The following TAF2 variants were observed in gnomAD, a reference collection of about 807,000 sequenced individuals.
TAF2 encodes TATA-box binding protein associated factor 2, also known as transcription initiation factor TFIID subunit 2.
Under a neutral mutation model 138.5 loss-of-function variants are expected in TAF2, and 61 were observed. The ratio of observed to expected loss-of-function variants is 0.44; its 90% confidence interval spans 0.36 to 0.54. The LOEUF (loss-of-function observed/expected upper bound fraction) is 0.54, where lower values mean the gene tolerates loss of function less well. TAF2 is among the 20% of genes least tolerant of loss of function. The pLI is 0.00. For synonymous variants in TAF2, 475 were observed against 469.9 expected, an observed-to-expected ratio of 1.01 and a Z score of -0.14; for missense variants, 1,090 against 1,427.9, an observed-to-expected ratio of 0.76 and a Z score of 3.81.
chr8:119,805,375 T>G (rs1201046180), intron 4 of TAF2, among the ~76,000 whole-genome samples: 13 of 152,152 alleles, frequency 8.5e-5, no homozygotes, highest in African/African-American at 3.1e-4. Flanking sequence ...TAAACTAATT[T>G]GATATTGTGC....
At chr8:119,801,301 T>C (rs747820366) in intron 6 of TAF2, among the ~76,000 whole-genome samples, 11 of 152,142 alleles carry the variant, frequency 7.2e-5, no homozygotes, top group Non-Finnish European at 1.3e-4. Flanking sequence ...GAAATTTAAA[T>C]ACAACATTTT....
intron 23 of TAF2, chr8:119,745,119 C>G (rs774435369): frequency 1.3e-4 from 56 of 436,934 alleles, no homozygotes; most frequent in Non-Finnish European, 2.3e-4. Flanking sequence ...CTATAGCAAC[C>G]ATGCAGATTA....
chr8:119,778,573 G>A lies in TAF2; in HGVS notation c.2254-444C>T, dbSNP rs550555831. Among the ~76,000 whole-genome samples, 38 of 152,264 alleles carry A rather than the reference G, an allele frequency of 2.5e-4. 1 individual carries two copies. The highest frequency in any genetic ancestry group is 7.7e-4 in the African/African-American group (32 of 41,544). ...CTTCTGTGCTAGGTGCCTTTAGCTC[G>A]TTGCCTATTGAGTAGGAGCCTCATT... On this transcript the variant is annotated intron_variant, in intron 17 of 25. Coordinates refer to ENST00000378164, the MANE Select transcript of TAF2 (RefSeq NM_003184.4).
chr8:119,758,083 G>C lies in TAF2; in HGVS notation c.2758C>G (p.Pro920Ala). The C allele has an allele frequency of 6.2e-7, 1 of 1,613,094 alleles. No homozygotes were observed. Residue 920 changes from proline (P) to alanine (A), a missense_variant, in exon 21 of 26, where the codon CCC becomes GCC. Around this residue, in one of 3 missense-constraint regions of TAF2, gnomAD observed 580 missense variants for 719.6 expected, o/e 0.81. Coordinates refer to ENST00000378164, the MANE Select transcript of TAF2 (RefSeq NM_003184.4). ...LLNMIQNDPV[P>A]YVRHKILNML... ...AGCACATAAACTAACCTTACATAGG[G>C]TACAGGGTCATTCTGAATCATATTA...
chr8:119,800,007 C>A (rs1824135822), intron 6 of TAF2, among the ~76,000 whole-genome samples: 1 of 151,766 alleles, frequency 6.6e-6, no homozygotes, highest in Non-Finnish European at 1.5e-5. Context: ...TTGTTTTTTT[C>A]TTGTAAATTT....
chr8:119,772,236 T>C (rs555460333), intron 18 of TAF2, among the ~76,000 whole-genome samples: 1 of 152,302 alleles, frequency 6.6e-6, no homozygotes, highest in East Asian at 1.9e-4. Context: ...GATCTCAAAT[T>C]AACAACCTAC....
chr8:119,786,933 AC>A, intron 14 of TAF2, among the ~76,000 whole-genome samples: 1 of 152,150 alleles, frequency 6.6e-6, no homozygotes, highest in East Asian at 1.9e-4. Flanking sequence ...AATTAGGTAC[AC>A]CTAAAACCAC....
intron 18 of TAF2, among the ~76,000 whole-genome samples, chr8:119,774,477 G>C (rs1421814777): frequency 2.8e-5 from 2 of 71,956 alleles, no homozygotes; most frequent in Admixed American, 2.9e-4. Context: ...AAAATATTGT[G>C]ATTTTTTTTT....
intron 25 of TAF2, among the ~76,000 whole-genome samples, chr8:119,733,259 A>T (rs890860464): frequency 3.9e-5 from 6 of 152,180 alleles, no homozygotes; most frequent in Non-Finnish European, 8.8e-5. Flanking sequence ...GCTCCTTAAG[A>T]CAATTTCTAG....
chr8:119,771,035 C>A (rs1821795920), intron 18 of TAF2, among the ~76,000 whole-genome samples: 1 of 152,040 alleles, frequency 6.6e-6, no homozygotes, highest in Non-Finnish European at 1.5e-5. Context: ...CACGCCACTG[C>A]ACTCCAGCCT....
intron 2 of TAF2, among the ~76,000 whole-genome samples, chr8:119,830,916 GC>G (rs1470621927): frequency 6.6e-6 from 1 of 152,128 alleles, no homozygotes; most frequent in Non-Finnish European, 1.5e-5. Context: ...GACCAGCCTG[GC>G]CAACATGGAG....
rs1197204899 is a variant in TAF2 at position 119,731,480 on chromosome 8, G to C, written c.*444C>G. 2.0e-5 allele frequency: 4 copies of C among 200,432 alleles called. No homozygotes were observed. Among genetic ancestry groups the C allele is most frequent in the Non-Finnish European group, 3.1e-5 (3 of 96,468 alleles). 12.4% of individuals were successfully genotyped at this position (200,432 alleles called of 1,614,324 possible). On this transcript the variant is annotated 3_prime_UTR_variant, in exon 26 of 26. Coordinates refer to ENST00000378164, the MANE Select transcript of TAF2 (RefSeq NM_003184.4). ...ACTGTCTTTTCAGTAGTTCCAAATG[G>C]TGTTATACAATATTTCACTGGAGAT...
At chr8:119,815,394 C>A (rs1353511719) in intron 3 of TAF2, among the ~76,000 whole-genome samples, 3 of 151,870 alleles carry the variant, frequency 2.0e-5, no homozygotes, top group East Asian at 4.0e-4. Context: ...CCTGCCTCAG[C>A]CTCCAGAGTA....
rs140216972 is a variant in TAF2, at chr8:119,756,055, G to A, written c.2829C>T (p.Pro943=). The A allele has an allele frequency of 1.2e-6, 2 of 1,613,572 alleles. No individual in the cohort carries two copies. Among genetic ancestry groups the A allele is most frequent in the African/African-American group, 2.7e-5 (2 of 74,904 alleles). The change falls in exon 22 of 26, where the codon CCC becomes CCT. Residue 943 remains proline, a synonymous_variant. Transcript: ENST00000378164. ...NPPFTKNMES[P]LCNEALVDQL... is the part of the protein sequence containing the mutation. ...GATCTACCAGGGCTTCATTGCATAA[G>A]GGAGACTCCATGTTCTTAGTAAATG...
intron 6 of TAF2, among the ~76,000 whole-genome samples, chr8:119,799,983 AT>A (rs1824132788): frequency 1.3e-5 from 2 of 152,034 alleles, no homozygotes; most frequent in African/African-American, 4.8e-5. Context: ...TCCTTCGCCC[AT>A]TTTTTGATGG....
chr8:119,760,803 G>A (rs1821011787), intron 19 of TAF2, 65 bp from the exon 20 acceptor site: 1 of 1,601,010 alleles, frequency 6.2e-7, no homozygotes, highest in Non-Finnish European at 8.5e-7. Context: ...TTGTTTCCTA[G>A]GCATTAGAGA....
intron 20 of TAF2, among the ~76,000 whole-genome samples, chr8:119,759,300 A>G (rs2131051175): frequency 6.6e-6 from 1 of 152,232 alleles, no homozygotes; most frequent in South Asian, 2.1e-4. Context: ...TATACACATT[A>G]TGCTGTTATT....
intron 23 of TAF2, chr8:119,744,861 G>C: frequency 2.2e-6 from 1 of 456,070 alleles, no homozygotes; most frequent in Non-Finnish European, 4.4e-6. Flanking sequence ...GTTAATACAG[G>C]TTTAACCTGT....
At chr8:119,778,899 C>T (rs766913832) in intron 17 of TAF2, among the ~76,000 whole-genome samples, 1 of 152,116 alleles carries the variant, frequency 6.6e-6, no homozygotes, top group African/African-American at 2.4e-5. Flanking sequence ...TAGCACATGG[C>T]GAGATATGGA....
Sources: allele counts gnomAD v4.1 joint callset (sites outside exome capture counted in the v4.1 genomes callset), GRCh38; gene constraint gnomAD v4.1.1; regional missense constraint gnomAD v4.1.1; transcripts MANE v1.5; gene names NCBI Gene and HGNC (gene_info 2026-07-23, HGNC 2026-07-21).